ACSM1: variants seen among roughly 807,000 people sequenced by gnomAD.
ACSM1 encodes the protein acyl-CoA synthetase medium chain family member 1, also known as acyl-coenzyme A synthetase ACSM1, mitochondrial.
A neutral mutation model predicts 75.8 loss-of-function variants in ACSM1; 79 were observed. That is an observed-to-expected ratio of 1.04 (90% confidence interval 0.87 to 1.26). The LOEUF (loss-of-function observed/expected upper bound fraction) is 1.26, where lower values mean the gene tolerates loss of function less well. Ranked by LOEUF, ACSM1 falls within the 50% of genes most tolerant of loss-of-function variation. ACSM1 has a pLI of 0.00. For missense variants in ACSM1, 676 were observed against 720.1 expected (o/e 0.94, Z 0.70); for synonymous variants, 279 against 265.8 (o/e 1.05, Z -0.48).
At chr16:20,627,385 TC>T in intron 10 of ACSM1, 69 bp from the exon 11 acceptor site, 1 of 1,475,084 alleles carries the variant, frequency 6.8e-7, no homozygotes, top group East Asian at 2.7e-5. Context: ...AACCTTGGGT[TC>T]CAATCTGGGT....
chr16:20,661,408 T>C (rs558460625), intron 7 of ACSM1, among the ~76,000 whole-genome samples: 9 of 152,274 alleles, frequency 5.9e-5, no homozygotes, highest in East Asian at 1.9e-4. Context: ...AAGGTCAAGA[T>C]AGTTGTTTCC....
At chr16:20,687,051 C>G (rs1289006962) in intron 2 of ACSM1, among the ~76,000 whole-genome samples, 1 of 150,136 alleles carries the variant, frequency 6.7e-6, no homozygotes, top group Non-Finnish European at 1.5e-5. Context: ...CAAGAGGAAG[C>G]CCCCCAACTC....
chr16:20,664,657 A>C (rs2019474981), intron 6 of ACSM1, among the ~76,000 whole-genome samples: 1 of 152,230 alleles, frequency 6.6e-6, no homozygotes, highest in Non-Finnish European at 1.5e-5. Flanking sequence ...ATTGGACCTA[A>C]TAGACATCCA....
At chr16:20,680,855 G>A (rs994718117) in intron 4 of ACSM1, 2 of 152,210 alleles carry the variant, frequency 1.3e-5, no homozygotes, top group Non-Finnish European at 1.5e-5. Flanking sequence ...TGGGCATATT[G>A]GCAACTGCCA....
chr16:20,630,182 C>T lies in ACSM1; in HGVS notation c.1300-2866G>A, dbSNP rs889397783. Among the ~76,000 whole-genome samples the T allele has an allele frequency of 1.0e-4, 15 of 150,712 alleles. 1 individual carries two copies. Among genetic ancestry groups the T allele is most frequent in the East Asian group, 2.0e-4 (1 of 5,086 alleles). ...TTGCCCAGGCTGGAGTGCAATGGCA[C>T]GATCTCAGCTCACCACAACCTCCGC... On this transcript the variant is annotated intron_variant, in intron 10 of 13. Coordinates refer to ENST00000520010, the MANE Select transcript of ACSM1 (RefSeq NM_001318890.3).
At position 20,682,472 on chromosome 16, in the gene ACSM1, G is replaced by A; in HGVS notation, c.404-9C>T. 6.2e-7 allele frequency: 1 copy of A among 1,611,010 alleles called. No individual in the cohort carries two copies. Among genetic ancestry groups the A allele is most frequent in the Non-Finnish European group, 8.5e-7 (1 of 1,177,782 alleles). ...AGGAATGAAGATGATCCCTGGGGATGAGAAAGGAACTGATTGTTTTGGTTT... is the reference window on the plus strand; with the variant it reads ...AGGAATGAAGATGATCCCTGGGGATAAGAAAGGAACTGATTGTTTTGGTTT... On this transcript the variant is annotated splice_polypyrimidine_tract_variant and intron_variant, in intron 3 of 13. Transcript: ENST00000520010.
intron 1 of ACSM1, 32 bp downstream of exon 1, chr16:20,697,604 C>CACAG (rs1349193404): frequency 7.1e-6 from 1 of 141,522 alleles, no homozygotes; most frequent in African/African-American, 2.7e-5. Context: ...CACACACACA[C>CACAG]AGATAGAAGC....
At chr16:20,643,453 G>C (rs929287572) in intron 7 of ACSM1, among the ~76,000 whole-genome samples, 3 of 152,174 alleles carry the variant, frequency 2.0e-5, no homozygotes, top group African/African-American at 7.2e-5. Context: ...CTTGCAGTGG[G>C]TGTTACAGCT....
At chr16:20,668,630 C>A (rs1253655066) in intron 6 of ACSM1, among the ~76,000 whole-genome samples, 1 of 152,056 alleles carries the variant, frequency 6.6e-6, no homozygotes, top group African/African-American at 2.4e-5. Flanking sequence ...AGGTACAGTC[C>A]TGACAGCCAC....
At chr16:20,655,006 C>G (rs1480730484) in intron 7 of ACSM1, among the ~76,000 whole-genome samples, 1 of 151,908 alleles carries the variant, frequency 6.6e-6, no homozygotes, top group Admixed American at 6.6e-5. Flanking sequence ...CCCAAATGTC[C>G]AAAAATGATA....
intron 4 of ACSM1, among the ~76,000 whole-genome samples, chr16:20,672,011 G>T (rs1853252779): frequency 6.6e-6 from 1 of 152,084 alleles, no homozygotes; most frequent in African/African-American, 2.4e-5. Flanking sequence ...TGCTCTCAAT[G>T]AGTTACAAAT....
intron 10 of ACSM1, among the ~76,000 whole-genome samples, chr16:20,628,540 G>C (rs1212376532): frequency 3.3e-5 from 5 of 150,592 alleles, no homozygotes; most frequent in Admixed American, 6.6e-5. Flanking sequence ...GCATATAACT[G>C]TTTGGGACTG....
At chr16:20,661,997 A>G (rs2152258491) in intron 6 of ACSM1, 124 bp from the exon 7 acceptor site, 1 of 562,816 alleles carries the variant, frequency 1.8e-6, no homozygotes. Flanking sequence ...TTAATCCTTT[A>G]AATACACACA....
At chr16:20,692,529 C>T (rs1404398624) in intron 1 of ACSM1, among the ~76,000 whole-genome samples, 4 of 152,000 alleles carry the variant, frequency 2.6e-5, no homozygotes, top group Non-Finnish European at 4.4e-5. Flanking sequence ...AGACACCAGA[C>T]GTCAGAGAGA....
In ACSM1 at chr16:20,648,206, G is replaced by A. The variant is rs2018463795; in HGVS notation, c.993-7622C>T. ...GACTGAGAATCTGACAACTTTAAAA[G>A]TCTGAAAAGAAACATTTACCATCTA... On this transcript the variant is annotated intron_variant, in intron 7 of 13. Coordinates refer to ENST00000520010, the MANE Select transcript of ACSM1 (RefSeq NM_001318890.3). This position sits in a 1 kb window ranked among gnomAD's most constrained non-coding sequence, Gnocchi z 4.2. Among the ~76,000 whole-genome samples the A allele has an allele frequency of 6.6e-6, 1 of 152,178 alleles. No homozygotes were observed. The highest frequency in any genetic ancestry group is 6.5e-5 in the Admixed American group (1 of 15,280).
intron 10 of ACSM1, among the ~76,000 whole-genome samples, chr16:20,635,250 C>A (rs186676484): frequency 5.3e-5 from 8 of 152,228 alleles, no homozygotes; most frequent in East Asian, 3.9e-4. Context: ...AAAAAATTAG[C>A]TGGGCATGGT....
rs541830247 is a variant in ACSM1, at chr16:20,623,242, T to A, written c.*244A>T. 16 of 465,912 alleles carry A rather than the reference T, an allele frequency of 3.4e-5. No homozygotes were observed. The Admixed American group carries it at 5.0e-4, about 15-fold the overall frequency. 28.9% of individuals were successfully genotyped at this position (465,912 alleles called of 1,614,324 possible). A position where few individuals can be genotyped will look rare whatever the true frequency, so the allele number is the denominator to read the frequency against. On this transcript the variant is annotated 3_prime_UTR_variant, in exon 14 of 14. Coordinates refer to ENST00000520010, the MANE Select transcript of ACSM1 (RefSeq NM_001318890.3). ...AATGCTCAACACAGGGTATTGTTGA[T>A]ATCAGTATTTTATTACTTGCGTTAT...
intron 1 of ACSM1, among the ~76,000 whole-genome samples, chr16:20,691,751 A>ACGTGTGTG (rs1453597498): frequency 7.5e-6 from 1 of 134,024 alleles, no homozygotes; most frequent in East Asian, 2.4e-4. Flanking sequence ...TACCTCTCCA[A>ACGTGTGTG]TGTGTGTGTG....
In ACSM1 at chr16:20,643,503, G is replaced by T. The variant is rs549188229; in HGVS notation, c.993-2919C>A. On this transcript the variant is annotated intron_variant, in intron 7 of 13. Coordinates refer to ENST00000520010, the MANE Select transcript of ACSM1 (RefSeq NM_001318890.3). ...GTCCAGAGTTTGTTCCTCCCAGTGGGTTCATGGTCTCACTGACTTCAGGAA... is the reference window on the plus strand; with the variant it reads ...GTCCAGAGTTTGTTCCTCCCAGTGGTTTCATGGTCTCACTGACTTCAGGAA... Among the ~76,000 whole-genome samples, 76 of 152,338 alleles carry T rather than the reference G, an allele frequency of 5.0e-4. 1 individual carries two copies. The highest frequency in any genetic ancestry group is 1.6e-3 in the Admixed American group (24 of 15,302).
Sources: allele counts gnomAD v4.1 joint callset (sites outside exome capture counted in the v4.1 genomes callset), GRCh38; gene constraint gnomAD v4.1.1; non-coding constraint Gnocchi (gnomAD v3.1); transcripts MANE v1.5; gene names NCBI Gene and HGNC (gene_info 2026-07-23, HGNC 2026-07-21).